ERGIC1: variants seen among roughly 807,000 people sequenced by gnomAD.
ERGIC1 encodes the protein endoplasmic reticulum-Golgi intermediate compartment protein 1.
A neutral mutation model predicts 38.3 loss-of-function variants in ERGIC1; 19 were observed. That is an observed-to-expected ratio of 0.50 (90% CI 0.35 to 0.73). ERGIC1 has a LOEUF of 0.73. Ranked by LOEUF, ERGIC1 falls within the 30% of genes least tolerant of loss-of-function variation. The probability of loss-of-function intolerance (pLI) is 0.01; values close to 1 mark genes in which losing one functional copy is unlikely to be tolerated. For missense variants in ERGIC1, 294 were observed against 389.2 expected, an observed-to-expected ratio of 0.76 and a Z score of 2.06; for synonymous variants, 124 against 157.6, an observed-to-expected ratio of 0.79 and a Z score of 1.60.
At chr5:172,860,763 C>T (rs1761677886) in intron 1 of ERGIC1, among the ~76,000 whole-genome samples, 1 of 152,206 alleles carries the variant, frequency 6.6e-6, no homozygotes, top group African/African-American at 2.4e-5. Flanking sequence ...GGTGGGGCTT[C>T]TGAATGATCT....
At chr5:172,885,409 C>T (rs1257540006) in intron 1 of ERGIC1, among the ~76,000 whole-genome samples, 1 of 152,134 alleles carries the variant, frequency 6.6e-6, no homozygotes, top group African/African-American at 2.4e-5. Context: ...GCTGGGATTA[C>T]AGGCAAGAGC....
chr5:172,949,847 C>T (rs560835372), intron 9 of ERGIC1, among the ~76,000 whole-genome samples: 3 of 152,224 alleles, frequency 2.0e-5, no homozygotes, highest in South Asian at 4.1e-4. Context: ...GGGTGGAGCA[C>T]GAGGTCAGGA....
At chr5:172,930,491 T>A (rs1243721573) in intron 7 of ERGIC1, among the ~76,000 whole-genome samples, 1 of 151,982 alleles carries the variant, frequency 6.6e-6, no homozygotes, top group Non-Finnish European at 1.5e-5. Flanking sequence ...TACAGGTGTG[T>A]GCCACCAGGC....
chr5:172,906,204 C>G, intron 3 of ERGIC1: 2 of 456,028 alleles, frequency 4.4e-6, no homozygotes, highest in Non-Finnish European at 8.8e-6. Context: ...CTCTCCCATC[C>G]TAAGGCTTCC....
chr5:172,935,083 G>A, intron 8 of ERGIC1, 105 bp from the exon 9 acceptor site: 5 of 1,547,404 alleles, frequency 3.2e-6, no homozygotes, highest in Non-Finnish European at 4.4e-6. Context: ...GGCAGAGAGG[G>A]AGGAAAGCCC....
chr5:172,882,660 A>T (rs1762313237), intron 1 of ERGIC1, among the ~76,000 whole-genome samples: 1 of 152,226 alleles, frequency 6.6e-6, no homozygotes, highest in African/African-American at 2.4e-5. Context: ...TGCCCAGCAT[A>T]GAATGGAAGT....
chr5:172,837,598 C>T lies in ERGIC1; in HGVS notation c.20+3165C>T, dbSNP rs774502151. ...TCTGTCAAGGAAGCCATAGACATGA[C>T]GTGACTTGATATGCCAGCTTCAGTG... On this transcript the variant is annotated intron_variant, in intron 1 of 9. Transcript: ENST00000393784. The surrounding 1 kb of genome is among the most constrained non-coding windows in gnomAD (Gnocchi z 4.3). 6.0e-4 allele frequency among the ~76,000 whole-genome samples: 91 copies of T among 152,162 alleles called. No individual in the cohort carries two copies. The highest frequency in any genetic ancestry group is 4.6e-4 in the Admixed American group (7 of 15,288).
chr5:172,937,439 G>C (rs938764208), intron 9 of ERGIC1: 1 of 152,234 alleles, frequency 6.6e-6, no homozygotes, highest in Non-Finnish European at 1.5e-5. Flanking sequence ...GTGGAAGCAG[G>C]AGGATGACTT....
intron 7 of ERGIC1, among the ~76,000 whole-genome samples, chr5:172,927,932 G>A (rs1475687451): frequency 1.3e-5 from 2 of 152,088 alleles, no homozygotes; most frequent in Non-Finnish European, 2.9e-5. Flanking sequence ...CAGGGTTGGC[G>A]CTCTGTTACC....
At chr5:172,861,992 T>TTTA (rs1014933967) in intron 1 of ERGIC1, among the ~76,000 whole-genome samples, 2 of 151,628 alleles carry the variant, frequency 1.3e-5, no homozygotes, top group Non-Finnish European at 2.9e-5. Context: ...ATTTTTTAAT[T>TTTA]TTATTATTAT....
chr5:172,886,532 T>C (rs1762422797), intron 1 of ERGIC1, among the ~76,000 whole-genome samples: 1 of 152,226 alleles, frequency 6.6e-6, no homozygotes, highest in South Asian at 2.1e-4. Flanking sequence ...GGTTGATTTT[T>C]ATCTCCTTGC....
chr5:172,855,786 T>C (rs1441462170), intron 1 of ERGIC1, among the ~76,000 whole-genome samples: 1 of 152,058 alleles, frequency 6.6e-6, no homozygotes, highest in East Asian at 1.9e-4. Context: ...GTCCTCAGCA[T>C]AGAGAGGCCA....
intron 2 of ERGIC1, among the ~76,000 whole-genome samples, chr5:172,892,675 T>C (rs539863375): frequency 6.6e-6 from 1 of 152,308 alleles, no homozygotes; most frequent in Admixed American, 6.5e-5. Context: ...AAAACCTTCA[T>C]CAAGCCTTCA....
chr5:172,881,654 A>G (rs1383387469), intron 1 of ERGIC1, among the ~76,000 whole-genome samples: 8 of 152,232 alleles, frequency 5.3e-5, no homozygotes. Context: ...TTGTCCCCAC[A>G]CTGTGGGGGA....
intron 1 of ERGIC1, among the ~76,000 whole-genome samples, chr5:172,886,117 G>A (rs141275716): frequency 4.0e-5 from 6 of 151,610 alleles, no homozygotes; most frequent in Non-Finnish European, 5.9e-5. Flanking sequence ...ACAGTAGACC[G>A]CCCGCCGGCC....
intron 9 of ERGIC1, among the ~76,000 whole-genome samples, chr5:172,950,059 A>AAAAAAG (rs1323236515): frequency 2.0e-5 from 3 of 152,142 alleles, no homozygotes; most frequent in African/African-American, 4.8e-5. Context: ...GAAGACAGAA[A>AAAAAAG]AAAAAGAAAA....
intron 5 of ERGIC1, chr5:172,918,250 T>C (rs1763421099): frequency 6.6e-6 from 1 of 152,278 alleles, no homozygotes; most frequent in Non-Finnish European, 1.5e-5. Context: ...AATGTGGATT[T>C]TTAAATATTT....
chr5:172,839,510 G>A (rs1285911044), intron 1 of ERGIC1, among the ~76,000 whole-genome samples: 1 of 151,972 alleles, frequency 6.6e-6, no homozygotes, highest in East Asian at 1.9e-4. Context: ...GCTTCAGTGA[G>A]CCATGTTCAT....
intron 9 of ERGIC1, among the ~76,000 whole-genome samples, chr5:172,942,783 C>T (rs1048555040): frequency 5.9e-5 from 9 of 152,086 alleles, no homozygotes; most frequent in Non-Finnish European, 1.2e-4. Flanking sequence ...GGAAGAGGAA[C>T]GTGAGACCGA....
Sources: gnomAD v4.1 joint callset for allele counts (sites outside exome capture counted in the v4.1 genomes callset) on GRCh38, gnomAD v4.1.1 for gene constraint, Gnocchi (gnomAD v3.1) non-coding constraint, MANE v1.5 for transcripts, NCBI Gene and HGNC (gene_info 2026-07-23, HGNC 2026-07-21) for gene names.